HTRA2: variants seen among roughly 807,000 people sequenced by gnomAD.
HTRA2 encodes serine protease HTRA2, mitochondrial.
HTRA2 carries 24 observed loss-of-function variants against 42.2 expected under a neutral mutation model. The observed-to-expected ratio is 0.57, with a 90% CI of 0.41 to 0.80. The LOEUF (loss-of-function observed/expected upper bound fraction) is 0.80. Ranked by LOEUF, HTRA2 falls within the 30% of genes least tolerant of loss-of-function variation. The probability of loss-of-function intolerance (pLI) is 0.00; values close to 1 mark genes in which losing one functional copy is unlikely to be tolerated. For synonymous variants in HTRA2, 245 were observed against 255.8 expected (o/e 0.96, Z 0.40); for missense variants, 466 against 613.5 (o/e 0.76, Z 2.54).
chr2:74,532,033 C>T (rs1460989579), intron 6 of HTRA2, 108 bp downstream of exon 6: 2 of 1,068,560 alleles, frequency 1.9e-6, no homozygotes, highest in East Asian at 2.5e-5. Flanking sequence ...TGAACTGTGT[C>T]ACACTTGAAA....
In HTRA2 at chr2:74,532,952, G is replaced by T. The variant is rs1445408993; in HGVS notation, c.1344G>T (p.Leu448=). 1 of 1,613,720 alleles carries T rather than the reference G, an allele frequency of 6.2e-7. No individual in the cohort carries two copies. Among genetic ancestry groups the T allele is most frequent in the East Asian group, 2.2e-5 (1 of 44,840 alleles). The change falls in exon 8 of 8, where the codon CTG becomes CTT. Residue 448 remains leucine, a synonymous_variant. Transcript: ENST00000258080. The part of the protein sequence containing the change: ...AVQIRRGRET[L]TLYVTPEVTE ...AGATCCGGCGGGGACGAGAAACACT[G>T]ACCTTATATGTGACCCCTGAGGTCA...
In HTRA2 at chr2:74,532,390, ATTGAT is replaced by A. The variant is rs1323057254; in HGVS notation, c.1116-226_1116-222del. On this transcript the variant is annotated intron_variant, in intron 6 of 7. Transcript: ENST00000258080. The stretch of plus-strand genomic sequence containing the variant: ...AGTATTCTAGAATGACATTAGTGCT[ATTGAT>A]TTAACACTGTTTGTCATTTGGTGCC... 1.4e-4 allele frequency: 79 copies of A among 566,442 alleles called. No individual in the cohort carries two copies. In the Admixed American group the frequency reaches 1.9e-3, roughly 14 times the overall value. 35.1% of individuals were successfully genotyped at this position (566,442 alleles called of 1,614,324 possible).
In HTRA2 at chr2:74,530,882, A is replaced by G; in HGVS notation, c.712-29A>G. 2 of 1,614,118 alleles carry G rather than the reference A, an allele frequency of 1.2e-6. No homozygotes were observed. The highest frequency in any genetic ancestry group is 1.7e-5 in the Admixed American group (1 of 60,022). On this transcript the variant is annotated intron_variant, in intron 2 of 7. Transcript: ENST00000258080. This position sits in a 1 kb window ranked among gnomAD's most constrained non-coding sequence, Gnocchi z 7.4. ...GCTTATTTGCTCGCATCTTCAGATG[A>G]CAGGTCTCTTTTACCCATTCTCCCT...
At position 74,530,068 on chromosome 2, in the gene HTRA2, G is replaced by C. The variant is rs768870295; in HGVS notation, c.62G>C (p.Gly21Ala). ...GWSLRAWRALGGIRWGRRPRL... is the reference protein window; with the variant it reads ...GWSLRAWRALAGIRWGRRPRL... ...AGCCTTCGGGCATGGCGGGCTTTGG[G>C]GGGCATTCGCTGGGGGAGGAGACCC... Residue 21 changes from glycine (G) to alanine (A), a missense_variant, in exon 1 of 8, where the codon GGG becomes GCG. By Grantham distance (60) the Gly-to-Ala change is moderately conservative. Around this residue, in one of 3 missense-constraint regions of HTRA2, gnomAD observed 222 missense variants for 205.1 expected, o/e 1.08. Transcript: ENST00000258080. This position sits in a 1 kb window ranked among gnomAD's most constrained non-coding sequence, Gnocchi z 7.4. 21 of 1,591,122 alleles carry C rather than the reference G, an allele frequency of 1.3e-5. No homozygotes were observed. In the Admixed American group the frequency reaches 3.5e-4, roughly 27 times the overall value.
In HTRA2 at chr2:74,530,131, G is replaced by A; in HGVS notation, c.125G>A (p.Gly42Glu). 1 of 1,612,114 alleles carries A rather than the reference G, an allele frequency of 6.2e-7. No individual in the cohort carries two copies. The highest frequency in any genetic ancestry group is 8.5e-7 in the Non-Finnish European group (1 of 1,179,212). The change falls in exon 1 of 8, where the codon GGA (glycine) becomes GAA (glutamate). Residue 42 changes from glycine (G) to glutamate (E), a missense_variant. Coordinates refer to ENST00000258080, the MANE Select transcript of HTRA2 (RefSeq NM_013247.5). This position sits in a 1 kb window ranked among gnomAD's most constrained non-coding sequence, Gnocchi z 7.4. ...TPDLRALLTSGTSDPRARVTY... is the reference protein window; with the variant it reads ...TPDLRALLTSETSDPRARVTY... ...GACCTCCGGGCCCTGCTGACGTCAG[G>A]AACTTCTGACCCCCGGGCCCGAGTG...
rs973939634 is a variant in HTRA2 at position 74,530,348 on chromosome 2, G to T, written c.342G>T (p.Gly114=). ...GGCTGGCGGTGGCGCTGGGCGCTGG[G>T]GGGGCAGTGCTGTTGTTGTTGTGGG... is the stretch of plus-strand genomic sequence containing the variant. ...RAWLAVALGA[G]GAVLLLLWGG... The change falls in exon 1 of 8, where the codon GGG becomes GGT. Residue 114 remains glycine, a synonymous_variant. Transcript: ENST00000258080. The surrounding 1 kb of genome is among the most constrained non-coding windows in gnomAD (Gnocchi z 7.4). 3.1e-6 allele frequency: 5 copies of T among 1,592,466 alleles called. No individual in the cohort carries two copies. The highest frequency in any genetic ancestry group is 2.3e-5 in the East Asian group (1 of 43,954).
Position 74,531,623 on chromosome 2 carries a change from C to T in HTRA2, c.966C>T (p.Thr322=). Residue 322 remains threonine, a synonymous_variant, in exon 5 of 8, where the codon ACC becomes ACT. Coordinates refer to ENST00000258080, the MANE Select transcript of HTRA2 (RefSeq NM_013247.5). The stretch of plus-strand genomic sequence containing the variant: ...ATGGGGAGGTGATTGGAGTGAACAC[C>T]ATGAAGGTCACAGCTGGAATCTCCT... ...NLDGEVIGVN[T]MKVTAGISFA... is the part of the protein sequence containing the mutation. 6.2e-7 allele frequency: 1 copy of T among 1,614,152 alleles called. No homozygotes were observed. Among genetic ancestry groups the T allele is most frequent in the Non-Finnish European group, 8.5e-7 (1 of 1,180,032 alleles).
In HTRA2 at chr2:74,530,347, G is replaced by C. The variant is rs753799539; in HGVS notation, c.341G>C (p.Gly114Ala). The C allele has an allele frequency of 1.9e-6, 3 of 1,592,260 alleles. No homozygotes were observed. Among genetic ancestry groups the C allele is most frequent in the South Asian group, 1.1e-5 (1 of 89,502 alleles). ...TGGCTGGCGGTGGCGCTGGGCGCTG[G>C]GGGGGCAGTGCTGTTGTTGTTGTGG... Reference protein sequence around the residue: ...RAWLAVALGAGGAVLLLLWGG... With the variant: ...RAWLAVALGAAGAVLLLLWGG... The change falls in exon 1 of 8, where the codon GGG becomes GCG. Residue 114 changes from glycine (G) to alanine (A), a missense_variant. This residue lies in a region of HTRA2 where 222 missense variants were observed against 205.1 expected (regional missense o/e 1.08). Coordinates refer to ENST00000258080, the MANE Select transcript of HTRA2 (RefSeq NM_013247.5). The surrounding 1 kb of genome is among the most constrained non-coding windows in gnomAD (Gnocchi z 7.4).
chr2:74,532,919 G>A lies in HTRA2; in HGVS notation c.1311G>A (p.Leu437=), dbSNP rs1675724011. 3 of 1,614,098 alleles carry A rather than the reference G, an allele frequency of 1.9e-6. No individual in the cohort carries two copies. Among genetic ancestry groups the A allele is most frequent in the East Asian group, 4.5e-5 (2 of 44,882 alleles). Reference sequence around the variant, plus strand: ...AAGCTGTTCGAACCCAATCCCAGTTGGCAGTGCAGATCCGGCGGGGACGAG... The same window carrying A: ...AAGCTGTTCGAACCCAATCCCAGTTAGCAGTGCAGATCCGGCGGGGACGAG... The part of the protein sequence containing the change: ...VYEAVRTQSQ[L]AVQIRRGRET... The change falls in exon 8 of 8, where the codon TTG becomes TTA. Residue 437 remains leucine, a synonymous_variant. Coordinates refer to ENST00000258080, the MANE Select transcript of HTRA2 (RefSeq NM_013247.5).
Position 74,530,425 on chromosome 2 carries a change from C to G in HTRA2, c.419C>G (p.Pro140Arg), listed in dbSNP as rs936744571. The G allele has an allele frequency of 6.2e-7, 1 of 1,602,878 alleles. No individual in the cohort carries two copies. Among genetic ancestry groups the G allele is most frequent in the South Asian group, 1.1e-5 (1 of 90,784 alleles). ...CTCGCCGCCGTCCCTAGCCCGCCGCCCGCTTCTCCCCGGAGTCAGTACAAC... is the reference window on the plus strand; with the variant it reads ...CTCGCCGCCGTCCCTAGCCCGCCGCGCGCTTCTCCCCGGAGTCAGTACAAC... ...AVLAAVPSPPPASPRSQYNFI... is the reference protein window; with the variant it reads ...AVLAAVPSPPRASPRSQYNFI... The change falls in exon 1 of 8, where the codon CCC (proline) becomes CGC (arginine). Residue 140 changes from proline to arginine, a missense_variant. This residue lies in a region of HTRA2 where 222 missense variants were observed against 205.1 expected (regional missense o/e 1.08). Coordinates refer to ENST00000258080, the MANE Select transcript of HTRA2 (RefSeq NM_013247.5). The surrounding 1 kb of genome is among the most constrained non-coding windows in gnomAD (Gnocchi z 7.4).
intron 7 of HTRA2, 42 bp downstream of exon 7, chr2:74,532,756 G>A: frequency 8.1e-6 from 13 of 1,612,288 alleles, no homozygotes; most frequent in Non-Finnish European, 1.1e-5. Flanking sequence ...TGGGCAAGGT[G>A]TGCATGTGTC....
chr2:74,533,291 C>T lies in HTRA2; in HGVS notation c.*306C>T. ...AGATACTGGAGCTGACCATCCTGAC[C>T]TCCTATTAAAGAAAATGAGCTGCTG... On this transcript the variant is annotated 3_prime_UTR_variant, in exon 8 of 8. Transcript: ENST00000258080. 1 of 533,136 alleles carries T rather than the reference C, an allele frequency of 1.9e-6. No individual in the cohort carries two copies. The highest frequency in any genetic ancestry group is 2.2e-5 in the South Asian group (1 of 44,704). The allele number at this position is 533,136 out of a possible 1,614,324, so 33.0% of individuals were successfully genotyped here. A position where few individuals can be genotyped will look rare whatever the true frequency, so the allele number is the denominator to read the frequency against.
intron 6 of HTRA2, among the ~76,000 whole-genome samples, chr2:74,532,222 GTAATACCTTCC>G (rs1675662494): frequency 6.6e-6 from 1 of 152,198 alleles, no homozygotes; most frequent in Admixed American, 6.5e-5. Flanking sequence ...AGACCTGGCT[GTAATACCTTCC>G]TATATGAATA....
At chr2:74,533,336 A>C, downstream of HTRA2, 1 of 532,434 alleles carries the variant, frequency 1.9e-6, no homozygotes, top group Non-Finnish European at 3.3e-6. Context: ...GTGGGCAGTT[A>C]GTCAGGTGCT....
chr2:74,531,816 G>C, intron 5 of HTRA2, 40 bp from the exon 6 acceptor site: 1 of 1,612,952 alleles, frequency 6.2e-7, no homozygotes, highest in Non-Finnish European at 8.5e-7. Context: ...AGGGAAGGAA[G>C]GATGTAGCTG....
Position 74,531,207 on chromosome 2 carries a change from T to G in HTRA2, c.906+102T>G, listed in dbSNP as rs1027496009. 1.9e-6 allele frequency: 3 copies of G among 1,538,710 alleles called. No homozygotes were observed. The African/African-American group carries it at 4.1e-5, about 21-fold the overall frequency. ...TATGGTGGATGAGCCTATATAGAGCTTAGGCTGCAAAAATGTGGCCACTTA... is the reference window on the plus strand; with the variant it reads ...TATGGTGGATGAGCCTATATAGAGCGTAGGCTGCAAAAATGTGGCCACTTA... On this transcript the variant is annotated intron_variant, in intron 3 of 7. Transcript: ENST00000258080.
At position 74,530,020 on chromosome 2, in the gene HTRA2, G is replaced by T; in HGVS notation, c.14G>T (p.Arg5Met). 1 of 1,543,920 alleles carries T rather than the reference G, an allele frequency of 6.5e-7. No individual in the cohort carries two copies. Residue 5 changes from arginine to methionine, a missense_variant, in exon 1 of 8, where the codon AGG becomes ATG. Physicochemically the swap from Arg to Met is moderately conservative, Grantham distance 91. This residue lies in a region of HTRA2 where 222 missense variants were observed against 205.1 expected (regional missense o/e 1.08). Transcript: ENST00000258080. This position sits in a 1 kb window ranked among gnomAD's most constrained non-coding sequence, Gnocchi z 7.4. The stretch of plus-strand genomic sequence containing the variant: ...AAGGCGGAGCTGATGGCTGCGCCGA[G>T]GGCGGGGCGGGGTGCAGGCTGGAGC... Reference protein sequence around the residue: MAAPRAGRGAGWSLR... With the variant: MAAPMAGRGAGWSLR...
upstream of HTRA2, chr2:74,529,430 G>A (rs958958584): frequency 1.3e-6 from 2 of 1,582,514 alleles, no homozygotes; most frequent in Non-Finnish European, 1.7e-6. Flanking sequence ...AGAGGCGCAG[G>A]ACGAGGAGGC....
intron 6 of HTRA2, chr2:74,532,348 C>T (rs1036620651): frequency 2.0e-6 from 1 of 497,796 alleles, no homozygotes; most frequent in Admixed American, 3.2e-5. Context: ...AAGTTCTTTC[C>T]CCTTAAAGCT....
Sources: allele counts gnomAD v4.1 joint callset (sites outside exome capture counted in the v4.1 genomes callset), GRCh38; gene constraint gnomAD v4.1.1; regional missense constraint gnomAD v4.1.1; non-coding constraint Gnocchi (gnomAD v3.1); transcripts MANE v1.5; gene names NCBI Gene and HGNC (gene_info 2026-07-23, HGNC 2026-07-21).